The following DST variants were observed in gnomAD, a reference collection of about 807,000 sequenced individuals.
DST encodes the protein dystonin.
In DST, 253 loss-of-function variants were observed where a neutral mutation model predicts 875.2. The ratio of observed to expected loss-of-function variants is 0.29; its 90% CI spans 0.26 to 0.32. The LOEUF (loss-of-function observed/expected upper bound fraction) is 0.32, where lower values mean the gene tolerates loss of function less well. DST is among the 10% of genes least tolerant of loss of function. The pLI is 1.00. For synonymous variants in DST, 3,124 were observed against 3,197.1 expected, an observed-to-expected ratio of 0.98 and a Z score of 0.77; for missense variants, 8,287 against 9,111.6, an observed-to-expected ratio of 0.91 and a Z score of 3.68.
At chr6:56,772,268 T>A (rs1434065312) in intron 4 of DST, among the ~76,000 whole-genome samples, 2 of 152,206 alleles carry the variant, frequency 1.3e-5, no homozygotes, top group African/African-American at 2.4e-5. Flanking sequence ...CAATATAACA[T>A]CTAAATTATT....
intron 4 of DST, among the ~76,000 whole-genome samples, chr6:56,801,281 T>C (rs775011193): frequency 4.6e-5 from 7 of 152,190 alleles, no homozygotes; most frequent in Non-Finnish European, 1.5e-5. Context: ...AGGCTGTTTT[T>C]CACTTACACT....
intron 9 of DST, among the ~76,000 whole-genome samples, chr6:56,684,763 T>C (rs572215900): frequency 4.6e-5 from 7 of 152,328 alleles, no homozygotes; most frequent in African/African-American, 1.2e-4. Flanking sequence ...TGGCTGCACA[T>C]AGATAGGTCA....
chr6:56,486,890 T>C (rs961578344), intron 87 of DST, among the ~76,000 whole-genome samples: 2 of 152,108 alleles, frequency 1.3e-5, no homozygotes, highest in South Asian at 2.1e-4. Flanking sequence ...GCTTGGACAA[T>C]GATATCACTT....
At chr6:56,666,046 C>T (rs1331176933) in intron 10 of DST, among the ~76,000 whole-genome samples, 2 of 152,098 alleles carry the variant, frequency 1.3e-5, no homozygotes, top group Non-Finnish European at 2.9e-5. Flanking sequence ...ATAAATTACA[C>T]TTATTATAAA....
rs779098037 is a variant in DST, at chr6:56,536,840, G to A, written c.16709C>T (p.Thr5570Ile). The A allele has an allele frequency of 1.2e-6, 2 of 1,613,144 alleles. No individual in the cohort carries two copies. Among genetic ancestry groups the A allele is most frequent in the East Asian group, 4.5e-5 (2 of 44,868 alleles). The change falls in exon 62 of 104, where the codon ACT (threonine) becomes ATT (isoleucine). Residue 5570 changes from threonine to isoleucine, a missense_variant. Around this residue, in one of 10 missense-constraint regions of DST, gnomAD observed 777 missense variants for 764.8 expected, o/e 1.02. Coordinates refer to ENST00000680361, the MANE Select transcript of DST (RefSeq NM_001374736.1). ...ATCCAGGTCATGCTCCAAGCCCTGA[G>A]TGCTAGTGCTTTTGGCAGCACTCTG... is the stretch of plus-strand genomic sequence containing the variant. ...LIQSAAKSTS[T>I]QGLEHDLDDV...
Position 56,597,948 on chromosome 6 carries a change from C to G in DST, c.11987G>C (p.Trp3996Ser). Residue 3996 changes from tryptophan to serine, a missense_variant, in exon 47 of 104, where the codon TGG (tryptophan) becomes TCG (serine). By Grantham distance (177) the Trp-to-Ser change is radical (BLOSUM62 -3). Transcript: ENST00000680361. ...SKTKIENLLD[W>S]LSNVDKDSER... The stretch of plus-strand genomic sequence containing the variant: ...TGAGTCTTTGTCAACATTTGACAAC[C>G]AGTCCAAAAGGTTTTCTATTTTGGT... 3 of 1,613,444 alleles carry G rather than the reference C, an allele frequency of 1.9e-6. No homozygotes were observed. Among genetic ancestry groups the G allele is most frequent in the Non-Finnish European group, 2.5e-6 (3 of 1,179,576 alleles).
chr6:56,843,205 C>T (rs547186256), intron 4 of DST: 17 of 1,427,638 alleles, frequency 1.2e-5, no homozygotes, highest in Non-Finnish European at 1.5e-5. Flanking sequence ...AACCCCCGGA[C>T]AGTATCGCAG....
In DST at chr6:56,661,376, AGGGAAACAT is replaced by A. The variant is rs1482867604; in HGVS notation, c.1214+9256_1214+9264del. 3.9e-5 allele frequency among the ~76,000 whole-genome samples: 6 copies of A among 152,332 alleles called. No homozygotes were observed. The East Asian group carries it at 1.2e-3, about 29-fold the overall frequency. ...TGAGAGAAAGGTAAGAGAATGCTAAAGGGAAACATGACAAAGGCAGGACTTGTCAAGTTT... is the reference window on the plus strand; with the variant it reads ...TGAGAGAAAGGTAAGAGAATGCTAAAGACAAAGGCAGGACTTGTCAAGTTT... On this transcript the variant is annotated intron_variant, in intron 10 of 103. Coordinates refer to ENST00000680361, the MANE Select transcript of DST (RefSeq NM_001374736.1).
intron 61 of DST, among the ~76,000 whole-genome samples, chr6:56,550,467 T>C (rs1284079265): frequency 1.3e-5 from 2 of 152,238 alleles, no homozygotes; most frequent in Non-Finnish European, 1.5e-5. Context: ...TTTGGGACTT[T>C]GCAGTTTGCA....
intron 99 of DST, among the ~76,000 whole-genome samples, chr6:56,465,480 G>T (rs1417254659): frequency 6.6e-6 from 1 of 152,012 alleles, no homozygotes. Flanking sequence ...ATTGACAGAA[G>T]GATCTCAAAA....
intron 82 of DST, among the ~76,000 whole-genome samples, chr6:56,496,171 C>T (rs1283821685): frequency 6.6e-6 from 1 of 152,102 alleles, no homozygotes; most frequent in African/African-American, 2.4e-5. Context: ...ACACTGTTTC[C>T]TCTCAGAACT....
At chr6:56,917,003 A>C (rs1025515134) in intron 2 of DST, among the ~76,000 whole-genome samples, 1 of 143,494 alleles carries the variant, frequency 7.0e-6, no homozygotes, top group East Asian at 2.1e-4. Context: ...AAAAAAAAAA[A>C]AAAAAAAAAA....
chr6:56,460,049 C>T (rs2094248895), intron 103 of DST, 82 bp downstream of exon 103: 2 of 1,466,570 alleles, frequency 1.4e-6, no homozygotes, highest in Admixed American at 2.3e-5. Flanking sequence ...TAATTTCTTC[C>T]CCAATGAGGA....
At chr6:56,875,422 T>C (rs1779231337) in intron 3 of DST, among the ~76,000 whole-genome samples, 1 of 152,256 alleles carries the variant, frequency 6.6e-6, no homozygotes, top group Non-Finnish European at 1.5e-5. Context: ...GAAAAATATA[T>C]TTTGTTAAAA....
chr6:56,755,205 A>AG (rs2099598828), intron 4 of DST, among the ~76,000 whole-genome samples: 2 of 151,826 alleles, frequency 1.3e-5, no homozygotes, highest in South Asian at 4.1e-4. Flanking sequence ...AGGGACTGAG[A>AG]GAAGAGTTAC....
At chr6:56,828,082 T>G (rs569759579) in intron 4 of DST, among the ~76,000 whole-genome samples, 137 of 152,296 alleles carry the variant, frequency 9.0e-4, no homozygotes, top group African/African-American at 3.1e-3. Flanking sequence ...TATTCACTCC[T>G]GATCCAGAGC....
intron 4 of DST, among the ~76,000 whole-genome samples, chr6:56,818,442 T>C (rs1040632926): frequency 4.6e-5 from 7 of 152,154 alleles, no homozygotes; most frequent in Non-Finnish European, 7.4e-5. Context: ...TGATCTGTGA[T>C]GGCATGAGAA....
chr6:56,849,494 C>T (rs185656034), intron 4 of DST, among the ~76,000 whole-genome samples: 6 of 152,282 alleles, frequency 3.9e-5, no homozygotes, highest in African/African-American at 1.4e-4. Context: ...ACCAACTTCA[C>T]AGCTATCCCT....
chr6:56,786,743 G>A (rs906082736), intron 4 of DST, among the ~76,000 whole-genome samples: 4 of 151,970 alleles, frequency 2.6e-5, no homozygotes, highest in Admixed American at 6.6e-5. Context: ...TGTTGGTCTC[G>A]AACTCCTGAC....
Sources: allele counts gnomAD v4.1 joint callset (sites outside exome capture counted in the v4.1 genomes callset), GRCh38; gene constraint gnomAD v4.1.1; regional missense constraint gnomAD v4.1.1; transcripts MANE v1.5; gene names NCBI Gene and HGNC (gene_info 2026-07-23, HGNC 2026-07-21).